The following DNMT1 variants were observed in gnomAD, a reference collection of about 807,000 sequenced individuals.
The protein encoded by DNMT1 is DNA methyltransferase 1.
Under a neutral mutation model 205.3 loss-of-function variants are expected in DNMT1, and 24 were observed. The ratio of observed to expected loss-of-function variants is 0.12; its 90% CI spans 0.08 to 0.16. DNMT1 has a LOEUF of 0.16. DNMT1 is among the 10% of genes least tolerant of loss of function. The probability of loss-of-function intolerance (pLI) is 1.00; values close to 1 mark genes in which losing one functional copy is unlikely to be tolerated. For missense variants in DNMT1, 1,293 were observed against 2,177.7 expected, an observed-to-expected ratio of 0.59 and a Z score of 8.09; for synonymous variants, 817 against 839.8, an observed-to-expected ratio of 0.97 and a Z score of 0.47.
chr19:10,189,400 C>T (rs1360541340), intron 1 of DNMT1, among the ~76,000 whole-genome samples: 4 of 151,216 alleles, frequency 2.6e-5, no homozygotes, highest in Admixed American at 6.6e-5. Flanking sequence ...GGATTACAGG[C>T]GTGAGCCACC....
chr19:10,134,876 G>T (rs2089443551), intron 39 of DNMT1, among the ~76,000 whole-genome samples: 2 of 142,310 alleles, frequency 1.4e-5, no homozygotes, highest in African/African-American at 5.3e-5. Context: ...AAAAAAAAAA[G>T]ACAAATGGGC....
intron 29 of DNMT1, 30 bp downstream of exon 29, chr19:10,143,735 GC>G (rs1476530472): frequency 1.2e-6 from 2 of 1,611,612 alleles, no homozygotes; most frequent in Non-Finnish European, 1.7e-6. Flanking sequence ...AGAGTCTGTG[GC>G]CTCGTGGAAG....
chr19:10,160,265 C>T, intron 14 of DNMT1, 119 bp downstream of exon 14: 2 of 1,549,572 alleles, frequency 1.3e-6, no homozygotes, highest in East Asian at 4.6e-5. Flanking sequence ...GTTCACCAAC[C>T]CGATCCAAAA....
Position 10,138,702 on chromosome 19 carries a change from T to C in DNMT1, c.3949-97A>G, listed in dbSNP as rs563507445. Reference sequence around the variant, plus strand: ...CAGGGTCAGCAGCCTGAGTCGGGAGTGGCTGGCCAATGCGGAGTGCACTTG... The same window carrying C: ...CAGGGTCAGCAGCCTGAGTCGGGAGCGGCTGGCCAATGCGGAGTGCACTTG... On this transcript the variant is annotated intron_variant, in intron 34 of 40. Coordinates refer to ENST00000359526, the MANE Select transcript of DNMT1 (RefSeq NM_001130823.3). The surrounding 1 kb of genome is among the most constrained non-coding windows in gnomAD (Gnocchi z 4.1). 77 of 1,481,388 alleles carry C rather than the reference T, an allele frequency of 5.2e-5. No individual in the cohort carries two copies. The highest frequency in any genetic ancestry group is 3.0e-4 in the South Asian group (24 of 80,610). The allele number at this position is 1,481,388 out of a possible 1,614,324, so 91.8% of individuals were successfully genotyped here.
intron 1 of DNMT1, among the ~76,000 whole-genome samples, chr19:10,194,295 G>A (rs1251987477): frequency 5.3e-5 from 8 of 152,188 alleles, no homozygotes; most frequent in Non-Finnish European, 2.9e-5. Flanking sequence ...AGGCCCCGAC[G>A]GGTGACATCC....
chr19:10,186,400 T>C (rs766989416), intron 1 of DNMT1, among the ~76,000 whole-genome samples: 9 of 152,032 alleles, frequency 5.9e-5, no homozygotes, highest in Non-Finnish European at 1.3e-4. Flanking sequence ...CGATCACACC[T>C]GCTGAAGCCA....
rs1416046889 is a variant in DNMT1 at position 10,175,549 on chromosome 19, G to A, written c.639C>T (p.Asp213=). Residue 213 remains aspartate (D), a synonymous_variant, in exon 7 of 41, where the codon GAC becomes GAT. Coordinates refer to ENST00000359526, the MANE Select transcript of DNMT1 (RefSeq NM_001130823.3). ...AAAGCACTGGCCCTACCTGGTCTTT[G>A]TCTTCTTCCTTGATGGACTCATCCG... ...AKSDESIKEE[D]KDQDEKRRRV... is the part of the protein sequence containing the mutation. 1 of 1,614,038 alleles carries A rather than the reference G, an allele frequency of 6.2e-7. No homozygotes were observed.
chr19:10,155,804 GA>G, intron 19 of DNMT1, 48 bp downstream of exon 19: 1 of 1,574,222 alleles, frequency 6.4e-7, no homozygotes, highest in South Asian at 1.1e-5. Flanking sequence ...AGGAGAACAT[GA>G]AGGCCCCTTT....
At chr19:10,182,493 ATATATGTG>A (rs1181745587) in intron 1 of DNMT1, among the ~76,000 whole-genome samples, 1 of 88,606 alleles carries the variant, frequency 1.1e-5, no homozygotes, top group Non-Finnish European at 2.3e-5. Context: ...ATATGTGTAT[ATATATGTG>A]TGTATATATA....
In DNMT1 at chr19:10,155,049, G is replaced by A. The variant is rs75443147; in HGVS notation, c.1500C>T (p.Ala500=). 6,577 of 1,614,048 alleles carry A rather than the reference G, an allele frequency of 4.1e-3. 135 individuals carry two copies. Among genetic ancestry groups the A allele is most frequent in the East Asian group, 0.035 (1,584 of 44,878 alleles). ...KALIGFSTSF[A]EYILMDPSPE... is the part of the protein sequence containing the mutation. The stretch of plus-strand genomic sequence containing the variant: ...GACTGGGATCCATCAGAATGTATTC[G>A]GCAAATGCTGGGGTGAACAGAGGAG... The change falls in exon 20 of 41, where the codon GCC becomes GCT. Residue 500 remains alanine, a synonymous_variant. Transcript: ENST00000359526.
chr19:10,139,995 C>T (rs370918175), intron 33 of DNMT1, 51 bp downstream of exon 33: 91 of 1,601,402 alleles, frequency 5.7e-5, no homozygotes, highest in Non-Finnish European at 7.0e-5. Flanking sequence ...TGCTGACATG[C>T]GGCACAGCCC....
In DNMT1 at chr19:10,180,733, G is replaced by C. The variant is rs577715739; in HGVS notation, c.225+45C>G. 222 of 1,586,688 alleles carry C rather than the reference G, an allele frequency of 1.4e-4. 5 individuals carry two copies. The South Asian group carries it at 2.4e-3, about 17-fold the overall frequency. On this transcript the variant is annotated intron_variant, in intron 3 of 40. Coordinates refer to ENST00000359526, the MANE Select transcript of DNMT1 (RefSeq NM_001130823.3). ...TCCCTGGTCACAGACAAGTTACTAG[G>C]AGGAGACATTTTTCTAGAGGCTAGG...
chr19:10,176,600 G>A (rs1380456669), intron 6 of DNMT1, among the ~76,000 whole-genome samples: 2 of 152,164 alleles, frequency 1.3e-5, no homozygotes, highest in Non-Finnish European at 2.9e-5. Context: ...GCTCACGCCT[G>A]TAACCCCAGC....
chr19:10,168,947 C>T (rs2038749254), intron 9 of DNMT1, among the ~76,000 whole-genome samples: 1 of 152,078 alleles, frequency 6.6e-6, no homozygotes, highest in Non-Finnish European at 1.5e-5. Context: ...AAACAATTCT[C>T]CTGCTTCAGC....
At position 10,143,846 on chromosome 19, in the gene DNMT1, G is replaced by C. The variant is rs376854079; in HGVS notation, c.3036C>G (p.Ile1012Met). ...TCTTCTTGGGACAGAAGATCTCTTT[G>C]ATCCGGCCAATTCGGTAGGGCTCAG... Reference protein sequence around the residue: ...DAPEPYRIGRIKEIFCPKKSN... With the variant: ...DAPEPYRIGRMKEIFCPKKSN... Residue 1012 changes from isoleucine to methionine, a missense_variant, in exon 29 of 41, where the codon ATC (isoleucine) becomes ATG (methionine). Ile to Met is a conservative substitution (Grantham distance 10). Around this residue, in one of 13 missense-constraint regions of DNMT1, gnomAD observed 167 missense variants for 258.1 expected, o/e 0.65. Transcript: ENST00000359526. 2.6e-5 allele frequency: 42 copies of C among 1,614,038 alleles called. No homozygotes were observed. The highest frequency in any genetic ancestry group is 3.3e-5 in the Non-Finnish European group (39 of 1,180,036).
At chr19:10,185,981 G>A (rs189740301) in intron 1 of DNMT1, among the ~76,000 whole-genome samples, 1 of 152,188 alleles carries the variant, frequency 6.6e-6, no homozygotes, top group Admixed American at 6.6e-5. Flanking sequence ...TACAGAAACT[G>A]GTACTTCCAG....
At position 10,140,333 on chromosome 19, in the gene DNMT1, C is replaced by T; in HGVS notation, c.3524-5G>A. On this transcript the variant is annotated splice_polypyrimidine_tract_variant and splice_region_variant and intron_variant, in intron 32 of 40. Coordinates refer to ENST00000359526, the MANE Select transcript of DNMT1 (RefSeq NM_001130823.3). This position sits in a 1 kb window ranked among gnomAD's most constrained non-coding sequence, Gnocchi z 8.4. ...CCCACAGCGTGTCAGAGATGCCTGG[C>T]AGATCAAGCACGAAGCCATGCTTTC... is the stretch of plus-strand genomic sequence containing the variant. 6.2e-7 allele frequency: 1 copy of T among 1,613,346 alleles called. No individual in the cohort carries two copies. Among genetic ancestry groups the T allele is most frequent in the Non-Finnish European group, 8.5e-7 (1 of 1,180,002 alleles).
At chr19:10,183,563 C>A (rs1436701563) in intron 1 of DNMT1, among the ~76,000 whole-genome samples, 6 of 152,080 alleles carry the variant, frequency 3.9e-5, no homozygotes, top group African/African-American at 1.4e-4. Flanking sequence ...TACAAAAATA[C>A]AAAAATTAGT....
chr19:10,163,693 A>G (rs2038628494), intron 11 of DNMT1, among the ~76,000 whole-genome samples: 1 of 152,234 alleles, frequency 6.6e-6, no homozygotes, highest in South Asian at 2.1e-4. Flanking sequence ...CTATGGTAGC[A>G]CAAAAGCACC....
Sources: allele counts gnomAD v4.1 joint callset (sites outside exome capture counted in the v4.1 genomes callset), GRCh38; gene constraint gnomAD v4.1.1; regional missense constraint gnomAD v4.1.1; non-coding constraint Gnocchi (gnomAD v3.1); transcripts MANE v1.5; gene names NCBI Gene and HGNC (gene_info 2026-07-23, HGNC 2026-07-21).